Variants in ZFP69B observed in about 807,000 individuals in gnomAD.
ZFP69B encodes ZFP69 zinc finger protein B.
Under a neutral mutation model 19.7 loss-of-function variants are expected in ZFP69B, and 20 were observed. The observed-to-expected ratio is 1.02, with a 90% CI of 0.71 to 1.48. The LOEUF (loss-of-function observed/expected upper bound fraction) is 1.48, where lower values mean the gene tolerates loss of function less well. Among genes scored for constraint, ZFP69B ranks in the 40% most tolerant of loss-of-function variants. The pLI, the probability that ZFP69B is intolerant of heterozygous loss-of-function variation, is 0.00. For missense variants in ZFP69B, 583 were observed against 632.6 expected, an observed-to-expected ratio of 0.92 and a Z score of 0.84; for synonymous variants, 220 against 222.7, an observed-to-expected ratio of 0.99 and a Z score of 0.11.
chr1:40,457,944 T>G (rs1280830856), intron 4 of ZFP69B, among the ~76,000 whole-genome samples: 1 of 152,258 alleles, frequency 6.6e-6, no homozygotes, highest in Non-Finnish European at 1.5e-5. Flanking sequence ...AGAAAATTTA[T>G]GGCTCTTTGA....
At chr1:40,461,734 G>A (rs779473341) in intron 4 of ZFP69B, among the ~76,000 whole-genome samples, 1 of 152,124 alleles carries the variant, frequency 6.6e-6, no homozygotes, top group Non-Finnish European at 1.5e-5. Context: ...GGTTGAGGCT[G>A]CAGTGAGCCG....
At chr1:40,462,275 C>A in intron 4 of ZFP69B, 146 bp from the exon 5 acceptor site, 1 of 725,730 alleles carries the variant, frequency 1.4e-6, no homozygotes, top group Non-Finnish European at 2.1e-6. Context: ...GCATCCATAT[C>A]AGCTCTCTAG....
chr1:40,451,658 G>T (rs897846039), intron 1 of ZFP69B, among the ~76,000 whole-genome samples: 9 of 145,760 alleles, frequency 6.2e-5, no homozygotes, highest in Non-Finnish European at 9.2e-5. Flanking sequence ...AGACGTGGGG[G>T]GGGGGGAATT....
At position 40,463,707 on chromosome 1, in the gene ZFP69B, G is replaced by C. The variant is rs1645315801; in HGVS notation, c.*118G>C. 1 of 916,300 alleles carries C rather than the reference G, an allele frequency of 1.1e-6. No individual in the cohort carries two copies. The highest frequency in any genetic ancestry group is 3.2e-5 in the Admixed American group (1 of 31,626). The allele number at this position is 916,300 out of a possible 1,614,324, so 56.8% of individuals were successfully genotyped here. ...CCAAAAACGAACATTAAAAAAAAATGGTTTGGCACAATGTTCCCAACTCTT... is the reference window on the plus strand; with the variant it reads ...CCAAAAACGAACATTAAAAAAAAATCGTTTGGCACAATGTTCCCAACTCTT... On this transcript the variant is annotated 3_prime_UTR_variant, in exon 5 of 5. Transcript: ENST00000361584.
intron 1 of ZFP69B, among the ~76,000 whole-genome samples, chr1:40,453,224 G>T (rs1184733358): frequency 6.6e-6 from 1 of 152,128 alleles, no homozygotes; most frequent in African/African-American, 2.4e-5. Flanking sequence ...CTCCCAAAGT[G>T]CTGGGATTAC....
chr1:40,462,136 T>C (rs1645290805), intron 4 of ZFP69B, among the ~76,000 whole-genome samples: 1 of 152,102 alleles, frequency 6.6e-6, no homozygotes, highest in Non-Finnish European at 1.5e-5. Context: ...CCCAGGCTGG[T>C]CTCGAACTCC....
chr1:40,456,831 A>C (rs1255322592), intron 2 of ZFP69B, 114 bp from the exon 3 acceptor site: 27 of 1,363,340 alleles, frequency 2.0e-5, no homozygotes, highest in Non-Finnish European at 2.5e-5. Flanking sequence ...GAATAAATTA[A>C]ATGATTAGCA....
rs769642960 is a variant in ZFP69B at position 40,463,548 on chromosome 1, T to G, written c.1564T>G (p.Cys522Gly). Residue 522 changes from cysteine to glycine, a missense_variant, in exon 5 of 5, where the codon TGC (cysteine) becomes GGC (glycine). By Grantham distance (159) the Cys-to-Gly change is radical. Transcript: ENST00000361584. ...CTGTAGTTCATCCCTTATTAGACAC[T>G]GCAAAACACATTTAAGAAATACCTT... Reference protein sequence around the residue: ...FSCSSSLIRHCKTHLRNTFSN... With the variant: ...FSCSSSLIRHGKTHLRNTFSN... The G allele has an allele frequency of 1.9e-6, 3 of 1,612,214 alleles. No homozygotes were observed. The East Asian group carries it at 6.7e-5, about 36-fold the overall frequency.
At chr1:40,457,526 C>T (rs927378433) in intron 4 of ZFP69B, 87 bp downstream of exon 4, 1 of 1,061,130 alleles carries the variant, frequency 9.4e-7, no homozygotes, top group African/African-American at 1.6e-5. Context: ...AGACTGAGGC[C>T]ATGTGGATGG....
At chr1:40,461,184 G>C (rs1031402291) in intron 4 of ZFP69B, among the ~76,000 whole-genome samples, 9 of 147,840 alleles carry the variant, frequency 6.1e-5, no homozygotes, top group Admixed American at 2.0e-4. Flanking sequence ...TAAAACAGAT[G>C]TAGATATGTA....
Position 40,451,046 on chromosome 1 carries a change from G to T in ZFP69B, c.85G>T (p.Val29Leu), listed in dbSNP as rs926935551. 1 of 1,549,976 alleles carries T rather than the reference G, an allele frequency of 6.5e-7. No individual in the cohort carries two copies. Among genetic ancestry groups the T allele is most frequent in the East Asian group, 2.5e-5 (1 of 40,688 alleles). The change falls in exon 1 of 5, where the codon GTG (valine) becomes TTG (leucine). Residue 29 changes from valine (V) to leucine (L), a missense_variant. Coordinates refer to ENST00000361584, the MANE Select transcript of ZFP69B (RefSeq NM_023070.3). The stretch of plus-strand genomic sequence containing the variant: ...TCATCCAAAGGCGGCCACGGAGCGG[G>T]TGGCCCTGTGGGAGGATGTGACTAA... ...LRHPKAATER[V>L]ALWEDVTKMF...
intron 1 of ZFP69B, among the ~76,000 whole-genome samples, chr1:40,452,113 A>C (rs1645192414): frequency 6.7e-6 from 1 of 148,744 alleles, no homozygotes; most frequent in Non-Finnish European, 1.5e-5. Context: ...TGACAGAGCA[A>C]GACCTTGTCT....
intron 1 of ZFP69B, among the ~76,000 whole-genome samples, chr1:40,453,539 G>T (rs887496268): frequency 4.6e-5 from 7 of 152,148 alleles, no homozygotes; most frequent in Non-Finnish European, 7.3e-5. Flanking sequence ...CTTGAACTGG[G>T]CCTGAAGGGT....
chr1:40,450,790 G>C lies in ZFP69B; in HGVS notation c.-172G>C. 1.6e-6 allele frequency: 1 copy of C among 619,306 alleles called. No individual in the cohort carries two copies. Among genetic ancestry groups the C allele is most frequent in the Non-Finnish European group, 2.4e-6 (1 of 421,450 alleles). The allele number at this position is 619,306 out of a possible 1,614,324, so 38.4% of individuals were successfully genotyped here. On this transcript the variant is annotated 5_prime_UTR_variant, in exon 1 of 5. Transcript: ENST00000361584. Reference sequence around the variant, plus strand: ...AGTCCAGATCTCGGATTTTGATACTGTATGTTCCCTGGGTTCCTGAGAGAG... The same window carrying C: ...AGTCCAGATCTCGGATTTTGATACTCTATGTTCCCTGGGTTCCTGAGAGAG...
At chr1:40,460,399 G>A (rs3013471) in intron 4 of ZFP69B, among the ~76,000 whole-genome samples, 1 of 152,186 alleles carries the variant, frequency 6.6e-6, no homozygotes, top group Admixed American at 6.5e-5. Context: ...TCAGAAGGCT[G>A]AGGCAGGAGA....
At chr1:40,457,317 A>C in intron 3 of ZFP69B, 27 bp from the exon 4 acceptor site, 1 of 1,610,258 alleles carries the variant, frequency 6.2e-7, no homozygotes, top group Non-Finnish European at 8.5e-7. Context: ...ACCTCAGCAT[A>C]TACAGTCTTT....
Position 40,450,705 on chromosome 1 carries a change from C to T in ZFP69B, c.-257C>T. 3.6e-6 allele frequency: 1 copy of T among 276,734 alleles called. No individual in the cohort carries two copies. Among genetic ancestry groups the T allele is most frequent in the Non-Finnish European group, 6.7e-6 (1 of 148,802 alleles). The allele number at this position is 276,734 out of a possible 1,614,324, so 17.1% of individuals were successfully genotyped here. A position where few individuals can be genotyped will look rare whatever the true frequency, so the allele number is the denominator to read the frequency against. Reference sequence around the variant, plus strand: ...AATACTTGGCGCCTCCAGCTGCTGGCCAAGGAGACAGATGGAGCTCAAGTT... The same window carrying T: ...AATACTTGGCGCCTCCAGCTGCTGGTCAAGGAGACAGATGGAGCTCAAGTT... On this transcript the variant is annotated 5_prime_UTR_variant, in exon 1 of 5. Transcript: ENST00000361584.
intron 2 of ZFP69B, among the ~76,000 whole-genome samples, chr1:40,456,215 T>C (rs575307112): frequency 6.6e-6 from 1 of 152,318 alleles, no homozygotes; most frequent in Non-Finnish European, 1.5e-5. Context: ...TAATTTACAC[T>C]CCCACCAACA....
intron 4 of ZFP69B, among the ~76,000 whole-genome samples, chr1:40,461,214 T>A (rs974211412): frequency 2.0e-5 from 3 of 151,564 alleles, no homozygotes; most frequent in Admixed American, 6.6e-5. Flanking sequence ...CTTTTTTTTT[T>A]AACAGATGTA....
Sources: gnomAD v4.1 joint callset for allele counts (sites outside exome capture counted in the v4.1 genomes callset) on GRCh38, gnomAD v4.1.1 for gene constraint, MANE v1.5 for transcripts, NCBI Gene and HGNC (gene_info 2026-07-23, HGNC 2026-07-21) for gene names.